Variants in ARHGAP22 observed in about 807,000 individuals in gnomAD.
ARHGAP22 encodes the protein rho GTPase-activating protein 22.
ARHGAP22 carries 48 observed loss-of-function variants against 59.1 expected under a neutral mutation model. The observed-to-expected ratio is 0.81, with a 90% CI of 0.64 to 1.03. ARHGAP22 has a LOEUF of 1.03. Among genes scored for constraint, ARHGAP22 ranks in the 50% least tolerant of loss-of-function variants. The pLI is 0.00. For synonymous variants in ARHGAP22, 445 were observed against 416.4 expected, an observed-to-expected ratio of 1.07 and a Z score of -0.84; for missense variants, 1,015 against 958.7, an observed-to-expected ratio of 1.06 and a Z score of -0.78.
At chr10:48,636,422 A>G (rs777599513) in intron 1 of ARHGAP22, among the ~76,000 whole-genome samples, 2 of 152,140 alleles carry the variant, frequency 1.3e-5, no homozygotes, top group Non-Finnish European at 2.9e-5. Flanking sequence ...GTCCTCTTCC[A>G]GGAATGTCTG....
At chr10:48,609,453 A>G (rs2060797177), upstream of ARHGAP22, among the ~76,000 whole-genome samples, 2 of 152,188 alleles carry the variant, frequency 1.3e-5, no homozygotes, top group African/African-American at 4.8e-5. Context: ...TGGAATTCCC[A>G]TGTAGAATAT....
intron 3 of ARHGAP22, among the ~76,000 whole-genome samples, chr10:48,549,526 G>T (rs925652084): frequency 1.3e-5 from 2 of 152,058 alleles, no homozygotes; most frequent in Admixed American, 6.5e-5. Flanking sequence ...CCTCTTTCCC[G>T]ACCCTGTCCA....
intron 3 of ARHGAP22, among the ~76,000 whole-genome samples, chr10:48,508,840 T>C (rs904451630): frequency 2.0e-5 from 3 of 152,204 alleles, no homozygotes; most frequent in Non-Finnish European, 4.4e-5. Context: ...GCTCCACTTA[T>C]CCCAGGTACC....
At chr10:48,453,074 G>A (rs2046139970) in intron 8 of ARHGAP22, among the ~76,000 whole-genome samples, 1 of 152,228 alleles carries the variant, frequency 6.6e-6, no homozygotes, top group African/African-American at 2.4e-5. Context: ...ACCTGCTGCT[G>A]CCCATCGCAG....
At chr10:48,510,624 AAAGG>A (rs1014085780) in intron 3 of ARHGAP22, 5 of 152,138 alleles carry the variant, frequency 3.3e-5, no homozygotes, top group Non-Finnish European at 7.3e-5. Flanking sequence ...CCACCATTTC[AAAGG>A]AAGGAAGGGA....
upstream of ARHGAP22, chr10:48,652,662 G>A: frequency 4.8e-6 from 1 of 206,606 alleles, no homozygotes; most frequent in Admixed American, 5.5e-5. Context: ...CACATCGGAT[G>A]CTATATTTGA....
intron 3 of ARHGAP22, among the ~76,000 whole-genome samples, chr10:48,518,298 T>C (rs757661841): frequency 8.5e-5 from 13 of 152,184 alleles, no homozygotes; most frequent in Non-Finnish European, 1.8e-4. Flanking sequence ...TCGCCTGGCC[T>C]CTGCCAGCCT....
intron 1 of ARHGAP22, among the ~76,000 whole-genome samples, chr10:48,585,011 T>A (rs1297574447): frequency 8.8e-6 from 1 of 114,056 alleles, no homozygotes; most frequent in East Asian, 3.0e-4. Context: ...AAAAAAAAAT[T>A]ACATAGCACT....
At chr10:48,584,874 G>A (rs1403660763) in intron 1 of ARHGAP22, among the ~76,000 whole-genome samples, 1 of 151,946 alleles carries the variant, frequency 6.6e-6, no homozygotes, top group African/African-American at 2.4e-5. Flanking sequence ...GGAGCCTGTA[G>A]TCCCAGCTAC....
chr10:48,616,077 G>A (rs191316403), intron 1 of ARHGAP22, among the ~76,000 whole-genome samples: 97 of 152,184 alleles, frequency 6.4e-4, no homozygotes, highest in African/African-American at 2.3e-3. Context: ...ATTCCACTTG[G>A]CAGATATTGC....
At chr10:48,481,603 C>G (rs891429218) in intron 3 of ARHGAP22, among the ~76,000 whole-genome samples, 1 of 152,222 alleles carries the variant, frequency 6.6e-6, no homozygotes, top group African/African-American at 2.4e-5. Context: ...TGCCCCTGTC[C>G]TGGGTCCTGC....
intron 2 of ARHGAP22, among the ~76,000 whole-genome samples, chr10:48,563,187 ATTTTTTTTTTTT>A (rs558735630): frequency 1.9e-5 from 2 of 104,214 alleles, no homozygotes; most frequent in African/African-American, 7.3e-5. Context: ...ATCCAGGATA[ATTTTTTTTTTTT>A]TTTTTTTTTT....
At chr10:48,446,712 G>A (rs985059613) in intron 9 of ARHGAP22, 93 bp from the exon 10 acceptor site, 3 of 1,291,248 alleles carry the variant, frequency 2.3e-6, no homozygotes, top group African/African-American at 3.0e-5. Context: ...GTGGGTTGAG[G>A]GGTCAGGCCA....
chr10:48,610,059 A>AC (rs1293944448), upstream of ARHGAP22, among the ~76,000 whole-genome samples: 1 of 152,040 alleles, frequency 6.6e-6, no homozygotes, highest in Non-Finnish European at 1.5e-5. Context: ...CTTTCTCTCC[A>AC]CCCACTGTTC....
At chr10:48,501,944 T>C (rs1171109930) in intron 3 of ARHGAP22, among the ~76,000 whole-genome samples, 1 of 152,206 alleles carries the variant, frequency 6.6e-6, no homozygotes, top group African/African-American at 2.4e-5. Flanking sequence ...AGCAGCTTCC[T>C]CTCAGGAGAG....
intron 3 of ARHGAP22, among the ~76,000 whole-genome samples, chr10:48,485,835 TATG>T (rs1266645025): frequency 6.6e-6 from 1 of 152,198 alleles, no homozygotes; most frequent in Non-Finnish European, 1.5e-5. Flanking sequence ...TTAGTGTCAG[TATG>T]ATGTTATCTT....
intron 3 of ARHGAP22, among the ~76,000 whole-genome samples, chr10:48,523,083 G>C (rs1026159710): frequency 2.6e-5 from 4 of 152,238 alleles, no homozygotes; most frequent in Admixed American, 1.3e-4. Context: ...GTATCTGGAT[G>C]CAGAATACAC....
rs146281014 is a variant in ARHGAP22 at position 48,450,317 on chromosome 10, A to G, written c.1812T>C (p.Thr604=). Residue 604 remains threonine, a synonymous_variant, in exon 9 of 10, where the codon ACT becomes ACC. Transcript: ENST00000249601. ...RRSEALQGLV[T]ELRAELCRQR... is the part of the protein sequence containing the mutation. ...GGCGGCACAGCTCGGCCCTGAGCTC[A>G]GTGACCAGCCCCTGTAAGGCCTCGG... The G allele has an allele frequency of 1.9e-6, 3 of 1,606,612 alleles. No individual in the cohort carries two copies. The highest frequency in any genetic ancestry group is 1.3e-5 in the African/African-American group (1 of 74,930).
intron 3 of ARHGAP22, among the ~76,000 whole-genome samples, chr10:48,520,348 A>T (rs867358779): frequency 6.6e-6 from 1 of 152,210 alleles, no homozygotes; most frequent in Non-Finnish European, 1.5e-5. Flanking sequence ...CTGCTGCAGC[A>T]TTCAGGGAGC....
Sources: gnomAD v4.1 joint callset for allele counts (sites outside exome capture counted in the v4.1 genomes callset) on GRCh38, gnomAD v4.1.1 for gene constraint, MANE v1.5 for transcripts, NCBI Gene and HGNC (gene_info 2026-07-23, HGNC 2026-07-21) for gene names.